The following CORIN variants were observed in gnomAD, a reference collection of about 807,000 sequenced individuals.
CORIN encodes corin, serine peptidase, also known as atrial natriuretic peptide-converting enzyme.
In CORIN, 117 loss-of-function variants were observed where a neutral mutation model predicts 125.3. That is an observed-to-expected ratio of 0.93 (90% CI 0.80 to 1.09). The LOEUF (loss-of-function observed/expected upper bound fraction) is 1.09, where lower values mean the gene tolerates loss of function less well. Ranked by LOEUF, CORIN falls within the 50% of genes least tolerant of loss-of-function variation. The pLI is 0.00. For synonymous variants in CORIN, 450 were observed against 466.4 expected (o/e 0.96, Z 0.45); for missense variants, 1,253 against 1,306.7 (o/e 0.96, Z 0.63).
chr4:47,666,401 T>G (rs1724482287), intron 10 of CORIN, among the ~76,000 whole-genome samples: 1 of 152,098 alleles, frequency 6.6e-6, no homozygotes, highest in Admixed American at 6.5e-5. Context: ...TCCTAGGCAA[T>G]GTAAATGTAA....
chr4:47,699,049 A>G (rs1048565578), intron 5 of CORIN, among the ~76,000 whole-genome samples: 3 of 152,192 alleles, frequency 2.0e-5, no homozygotes, highest in Non-Finnish European at 4.4e-5. Context: ...CTACCAACAC[A>G]CTTCTTAGAA....
intron 1 of CORIN, among the ~76,000 whole-genome samples, chr4:47,832,720 G>A (rs543046011): frequency 7.2e-4 from 109 of 152,088 alleles, no homozygotes; most frequent in South Asian, 1.2e-3. Flanking sequence ...ATCCCAGTGA[G>A]CCACTGTGCC....
chr4:47,704,773 G>A (rs1326970721), intron 5 of CORIN, among the ~76,000 whole-genome samples: 1 of 152,122 alleles, frequency 6.6e-6, no homozygotes, highest in Non-Finnish European at 1.5e-5. Context: ...ATGAAGATAT[G>A]TCAGTGGTGG....
intron 5 of CORIN, among the ~76,000 whole-genome samples, chr4:47,735,123 T>C (rs61762917): frequency 6.6e-6 from 1 of 152,252 alleles, no homozygotes; most frequent in Admixed American, 6.5e-5. Flanking sequence ...GACTGTATTA[T>C]ATAATAAACA....
chr4:47,612,252 C>A (rs1721900047), intron 19 of CORIN, among the ~76,000 whole-genome samples: 1 of 152,028 alleles, frequency 6.6e-6, no homozygotes. Context: ...TCAGTAAGTA[C>A]AGACTGTGTC....
intron 1 of CORIN, among the ~76,000 whole-genome samples, chr4:47,826,486 G>T (rs992811118): frequency 1.3e-5 from 2 of 152,230 alleles, no homozygotes; most frequent in African/African-American, 2.4e-5. Context: ...GGGAAAATCT[G>T]TGTCTTTTTC....
chr4:47,668,011 C>T (rs1450675562), intron 10 of CORIN, among the ~76,000 whole-genome samples: 6 of 152,146 alleles, frequency 3.9e-5, no homozygotes, highest in African/African-American at 1.4e-4. Flanking sequence ...AGATCTCTCT[C>T]GCTCTCTTTT....
At chr4:47,620,875 T>A (rs891955863) in intron 19 of CORIN, among the ~76,000 whole-genome samples, 1 of 152,160 alleles carries the variant, frequency 6.6e-6, no homozygotes, top group African/African-American at 2.4e-5. Context: ...TGGCCAGTGG[T>A]CACACAATAA....
intron 2 of CORIN, among the ~76,000 whole-genome samples, chr4:47,788,007 TTAGGAAGAAAC>T (rs1730899355): frequency 6.6e-6 from 1 of 152,254 alleles, no homozygotes; most frequent in Non-Finnish European, 1.5e-5. Flanking sequence ...TGCTTTGTCT[TTAGGAAGAAAC>T]ATTTGAAAAC....
intron 4 of CORIN, among the ~76,000 whole-genome samples, chr4:47,759,969 A>C (rs929385453): frequency 5.3e-5 from 8 of 152,212 alleles, no homozygotes; most frequent in African/African-American, 1.9e-4. Context: ...AAGTTCTTCC[A>C]AATTCCTGTT....
chr4:47,733,347 A>T (rs1057371657), intron 5 of CORIN, among the ~76,000 whole-genome samples: 3 of 152,230 alleles, frequency 2.0e-5, no homozygotes, highest in African/African-American at 7.2e-5. Flanking sequence ...TGATGTAAGT[A>T]CCTCAAAGAA....
At chr4:47,747,961 A>G (rs929645464) in intron 4 of CORIN, among the ~76,000 whole-genome samples, 2 of 152,238 alleles carry the variant, frequency 1.3e-5, no homozygotes, top group South Asian at 4.1e-4. Flanking sequence ...CATTTTCCTC[A>G]AGATTTGTTC....
At chr4:47,663,011 A>T (rs1724319477) in intron 11 of CORIN, among the ~76,000 whole-genome samples, 1 of 152,222 alleles carries the variant, frequency 6.6e-6, no homozygotes, top group East Asian at 1.9e-4. Flanking sequence ...TTTGTTGCAG[A>T]TTTATAAAAA....
At position 47,709,392 on chromosome 4, in the gene CORIN, C is replaced by T. The variant is rs563566511; in HGVS notation, c.800-16309G>A. Among the ~76,000 whole-genome samples the T allele has an allele frequency of 9.2e-5, 14 of 152,200 alleles. No homozygotes were observed. The South Asian group carries it at 2.7e-3, about 29-fold the overall frequency. On this transcript the variant is annotated intron_variant, in intron 5 of 21. Coordinates refer to ENST00000273857, the MANE Select transcript of CORIN (RefSeq NM_006587.4). ...CACTGCAGCCTCGATCTCCCAGGCT[C>T]AAGCAATCTTCCTACCTCAGTCCCC...
At chr4:47,797,926 C>G (rs1731371519) in intron 2 of CORIN, among the ~76,000 whole-genome samples, 1 of 152,116 alleles carries the variant, frequency 6.6e-6, no homozygotes, top group African/African-American at 2.4e-5. Flanking sequence ...GTTGCATGCT[C>G]TTTCTTCTTT....
At chr4:47,674,585 G>A in intron 9 of CORIN, 85 bp from the exon 10 acceptor site, 1 of 837,580 alleles carries the variant, frequency 1.2e-6, no homozygotes, top group Non-Finnish European at 2.1e-6. Flanking sequence ...ATGTCTGATG[G>A]AGCTGAGGAA....
rs778562681 is a variant in CORIN at position 47,603,683 on chromosome 4, C to T, written c.2541-15G>A. 6.2e-7 allele frequency: 1 copy of T among 1,607,034 alleles called. No homozygotes were observed. Among genetic ancestry groups the T allele is most frequent in the East Asian group, 2.2e-5 (1 of 44,648 alleles). On this transcript the variant is annotated splice_polypyrimidine_tract_variant and intron_variant, in intron 19 of 21. Coordinates refer to ENST00000273857, the MANE Select transcript of CORIN (RefSeq NM_006587.4). ...CATTCTCTCTCCTAAAATTATAATTCAAGAGCTATTGGCATCTTAAACTCT... is the reference window on the plus strand; with the variant it reads ...CATTCTCTCTCCTAAAATTATAATTTAAGAGCTATTGGCATCTTAAACTCT...
intron 4 of CORIN, among the ~76,000 whole-genome samples, chr4:47,760,719 TCTC>T (rs1729408916): frequency 1.3e-5 from 2 of 152,202 alleles, no homozygotes; most frequent in African/African-American, 4.8e-5. Flanking sequence ...TGACTTCTCT[TCTC>T]TAGCTAGCAA....
intron 4 of CORIN, among the ~76,000 whole-genome samples, chr4:47,756,397 G>A (rs191747691): frequency 1.3e-5 from 2 of 152,140 alleles, no homozygotes; most frequent in Non-Finnish European, 2.9e-5. Flanking sequence ...ACTTTCAAGC[G>A]CATTCTCTGC....
Sources: gnomAD v4.1 joint callset for allele counts (sites outside exome capture counted in the v4.1 genomes callset) on GRCh38, gnomAD v4.1.1 for gene constraint, MANE v1.5 for transcripts, NCBI Gene and HGNC (gene_info 2026-07-23, HGNC 2026-07-21) for gene names.